Variants in MTBP observed in about 807,000 individuals in gnomAD.
MTBP encodes the protein mdm2-binding protein.
Under a neutral mutation model 117.0 loss-of-function variants are expected in MTBP, and 101 were observed. The observed-to-expected ratio is 0.86, with a 90% CI of 0.73 to 1.02. The LOEUF is 1.02. MTBP is among the 50% of genes least tolerant of loss of function. The pLI is 0.00. For synonymous variants in MTBP, 350 were observed against 351.5 expected (o/e 1.00, Z 0.05); for missense variants, 970 against 1,030.9 (o/e 0.94, Z 0.81).
chr8:120,523,230 C>T, intron 21 of MTBP, 68 bp from the exon 22 acceptor site: 3 of 1,049,418 alleles, frequency 2.9e-6, no homozygotes, highest in East Asian at 2.5e-5. Context: ...GAAGTTTTTA[C>T]AATATATTTT....
intron 11 of MTBP, among the ~76,000 whole-genome samples, chr8:120,486,034 A>G (rs891093264): frequency 1.3e-5 from 2 of 152,174 alleles, no homozygotes; most frequent in African/African-American, 4.8e-5. Flanking sequence ...GTTTTTGACA[A>G]TGCACTGGGG....
intron 15 of MTBP, among the ~76,000 whole-genome samples, chr8:120,505,756 C>CTCTAACTGAAACCTCTAACTGGAAACA (rs1262799874): frequency 6.6e-6 from 1 of 152,118 alleles, no homozygotes; most frequent in Admixed American, 6.5e-5. Flanking sequence ...ATAGTGAAAC[C>CTCTAACTGAAACCTCTAACTGGAAACA]TCTAACTGAA....
intron 12 of MTBP, 110 bp downstream of exon 12, chr8:120,488,442 C>T: frequency 6.5e-6 from 5 of 771,110 alleles, no homozygotes; most frequent in Non-Finnish European, 9.1e-6. Context: ...TTTATTTTCG[C>T]CAAACTCCAT....
At chr8:120,497,585 CGT>C (rs1554640848) in intron 14 of MTBP, 31 bp downstream of exon 14, 2 of 1,327,938 alleles carry the variant, frequency 1.5e-6, no homozygotes, top group Non-Finnish European at 2.1e-6. Flanking sequence ...AATTTTAGTT[CGT>C]GTGTGTGTGG....
At chr8:120,485,284 C>G (rs1233260292) in intron 11 of MTBP, among the ~76,000 whole-genome samples, 1 of 152,030 alleles carries the variant, frequency 6.6e-6, no homozygotes, top group African/African-American at 2.4e-5. Context: ...TTTCATTTAT[C>G]TTAGAGTATT....
chr8:120,481,863 C>A (rs1353896789), intron 11 of MTBP, among the ~76,000 whole-genome samples: 1 of 152,100 alleles, frequency 6.6e-6, no homozygotes, highest in African/African-American at 2.4e-5. Flanking sequence ...AACCTAAATG[C>A]AGAGTTTTGT....
In MTBP at chr8:120,470,913, G is replaced by C; in HGVS notation, c.1141G>C (p.Ala381Pro). The C allele has an allele frequency of 6.2e-7, 1 of 1,604,976 alleles. No individual in the cohort carries two copies. Among genetic ancestry groups the C allele is most frequent in the Non-Finnish European group, 8.5e-7 (1 of 1,172,642 alleles). ...TTCAAGAAAATGGAAGGAATATATAGCTAAAAAGCCTAAAACAATCAGTGG... is the reference window on the plus strand; with the variant it reads ...TTCAAGAAAATGGAAGGAATATATACCTAAAAAGCCTAAAACAATCAGTGG... ...LSSRKWKEYI[A>P]KKPKTISVPD... Residue 381 changes from alanine (A) to proline (P), a missense_variant, in exon 11 of 22, where the codon GCT becomes CCT. Ala to Pro is a conservative substitution (Grantham distance 27, BLOSUM62 -1). Coordinates refer to ENST00000305949, the MANE Select transcript of MTBP (RefSeq NM_022045.5).
At chr8:120,483,761 C>T (rs147209154) in intron 11 of MTBP, among the ~76,000 whole-genome samples, 3 of 152,192 alleles carry the variant, frequency 2.0e-5, no homozygotes, top group Non-Finnish European at 4.4e-5. Flanking sequence ...CCAAAATATA[C>T]GTATGCTTTT....
At chr8:120,446,388 T>C (rs1813227334) in intron 1 of MTBP, 45 bp from the exon 2 acceptor site, 1 of 1,172,476 alleles carries the variant, frequency 8.5e-7, no homozygotes, top group Non-Finnish European at 1.3e-6. Context: ...AGTTAGATTA[T>C]GTAAATCTAG....
chr8:120,482,847 A>C (rs143711974), intron 11 of MTBP, among the ~76,000 whole-genome samples: 2,695 of 151,784 alleles, frequency 0.018, 81 homozygotes, highest in African/African-American at 0.062. Context: ...TTACAGGCAC[A>C]TGCCACCACG....
intron 10 of MTBP, among the ~76,000 whole-genome samples, chr8:120,465,018 G>C (rs4871067): frequency 0.87 from 132,927 of 152,082 alleles, 58,258 homozygotes; most frequent in Non-Finnish European, 0.91. Flanking sequence ...AGAGACCCTA[G>C]TTTAGATAGA....
At chr8:120,515,356 A>G (rs1814898237) in intron 17 of MTBP, among the ~76,000 whole-genome samples, 2 of 152,066 alleles carry the variant, frequency 1.3e-5, no homozygotes, top group African/African-American at 4.8e-5. Context: ...TGATGCCCTG[A>G]ATCAGATTCA....
At chr8:120,471,476 T>C (rs1302137565) in intron 11 of MTBP, 1 of 152,204 alleles carries the variant, frequency 6.6e-6, no homozygotes, top group Non-Finnish European at 1.5e-5. Flanking sequence ...CTAATTTTTA[T>C]ATTTTTAGTC....
intron 1 of MTBP, 115 bp downstream of exon 1, chr8:120,445,703 G>A: frequency 2.5e-6 from 2 of 811,984 alleles, no homozygotes; most frequent in East Asian, 2.7e-5. Flanking sequence ...CACGAAGCTG[G>A]GACTCTATCT....
At chr8:120,510,378 C>T (rs1024300581) in intron 17 of MTBP, among the ~76,000 whole-genome samples, 3 of 151,892 alleles carry the variant, frequency 2.0e-5, no homozygotes, top group Admixed American at 2.0e-4. Flanking sequence ...TAGATAGGGC[C>T]CAGCATTTCA....
chr8:120,499,080 C>T (rs1241005830), intron 14 of MTBP, among the ~76,000 whole-genome samples: 19 of 152,124 alleles, frequency 1.2e-4, no homozygotes. Flanking sequence ...TTCTTGATTG[C>T]TTCTAATTGC....
rs371910778 is a variant in MTBP at position 120,500,677 on chromosome 8, A to T, written c.1610-1815A>T. Among the ~76,000 whole-genome samples the T allele has an allele frequency of 1.4e-3, 214 of 152,380 alleles. 3 individuals carry two copies. The highest frequency in any genetic ancestry group is 4.9e-3 in the African/African-American group (202 of 41,598). On this transcript the variant is annotated intron_variant, in intron 14 of 21. Coordinates refer to ENST00000305949, the MANE Select transcript of MTBP (RefSeq NM_022045.5). ...CAATATAGGTATTGAAAATATTTTA[A>T]ACTATTCAAGGTTAAATAGTTTAAT... is the stretch of plus-strand genomic sequence containing the variant.
At chr8:120,459,405 AAT>A in intron 8 of MTBP, 56 bp downstream of exon 8, 2 of 1,508,584 alleles carry the variant, frequency 1.3e-6, no homozygotes. Flanking sequence ...GTTCCTATAA[AAT>A]ATGTTTGAAT....
intron 4 of MTBP, among the ~76,000 whole-genome samples, chr8:120,453,010 GA>G (rs1391297678): frequency 1.3e-5 from 2 of 151,908 alleles, no homozygotes; most frequent in Admixed American, 6.6e-5. Flanking sequence ...ACTTTTTTGA[GA>G]AAAAAATTGC....
Sources: gnomAD v4.1 joint callset for allele counts (sites outside exome capture counted in the v4.1 genomes callset) on GRCh38, gnomAD v4.1.1 for gene constraint, MANE v1.5 for transcripts, NCBI Gene and HGNC (gene_info 2026-07-23, HGNC 2026-07-21) for gene names.